The following SMARCB1 variants were observed in gnomAD, a reference collection of about 807,000 sequenced individuals.
The protein encoded by SMARCB1 is SWI/SNF-related matrix-associated actin-dependent regulator of chromatin subfamily B member 1.
SMARCB1 carries 5 observed loss-of-function variants against 49.0 expected under a neutral mutation model. That is an observed-to-expected ratio of 0.10 (90% confidence interval 0.05 to 0.21). SMARCB1 has a LOEUF of 0.21. SMARCB1 is among the 10% of genes least tolerant of loss of function. The pLI, the probability that SMARCB1 is intolerant of heterozygous loss-of-function variation, is 1.00. For missense variants in SMARCB1, 226 were observed against 509.2 expected, an observed-to-expected ratio of 0.44 and a Z score of 5.35; for synonymous variants, 201 against 200.1, an observed-to-expected ratio of 1.00 and a Z score of -0.04.
At chr22:23,795,532 G>A (rs1928687733) in intron 3 of SMARCB1, among the ~76,000 whole-genome samples, 2 of 151,882 alleles carry the variant, frequency 1.3e-5, no homozygotes, top group African/African-American at 4.8e-5. Context: ...GTGCATGCCT[G>A]TAATCCCAGC....
intron 7 of SMARCB1, among the ~76,000 whole-genome samples, chr22:23,828,702 C>T (rs1193116186): frequency 2.0e-5 from 3 of 152,160 alleles, no homozygotes; most frequent in South Asian, 4.1e-4. Context: ...TGGAAGCACT[C>T]GCTGATTCCC....
intron 5 of SMARCB1, chr22:23,814,983 AAAAG>A (rs1568950691): frequency 1.3e-5 from 2 of 152,272 alleles, no homozygotes; most frequent in African/African-American, 4.8e-5. Flanking sequence ...AAAAAAAAAA[AAAAG>A]GCAAAAGACA....
chr22:23,790,242 C>G (rs958821434), intron 1 of SMARCB1, among the ~76,000 whole-genome samples: 3 of 152,110 alleles, frequency 2.0e-5, no homozygotes, highest in Non-Finnish European at 1.5e-5. Flanking sequence ...AATGGAAACT[C>G]TACATTTACC....
chr22:23,787,439 T>C (rs1928081438), intron 1 of SMARCB1, among the ~76,000 whole-genome samples, 177 bp downstream of exon 1: 1 of 151,446 alleles, frequency 6.6e-6, no homozygotes, highest in African/African-American at 2.4e-5. Context: ...CGCCCCCTCA[T>C]CGACCTGGGA....
At chr22:23,810,458 G>A (rs911431792) in intron 5 of SMARCB1, among the ~76,000 whole-genome samples, 1 of 149,714 alleles carries the variant, frequency 6.7e-6, no homozygotes, top group African/African-American at 2.5e-5. Flanking sequence ...AACCTGGGAG[G>A]CGGAGGTTGC....
chr22:23,803,247 C>G (rs200434169), intron 4 of SMARCB1, 48 bp from the exon 5 acceptor site: 1 of 1,613,238 alleles, frequency 6.2e-7, no homozygotes, highest in African/African-American at 1.3e-5. Context: ...ATTTGCATAC[C>G]TAGGGCTCCG....
chr22:23,820,020 G>T (rs2029997478), intron 6 of SMARCB1, among the ~76,000 whole-genome samples: 1 of 151,990 alleles, frequency 6.6e-6, no homozygotes, highest in East Asian at 2.0e-4. Context: ...AGTAGAGACG[G>T]GGTCTCATCA....
chr22:23,800,211 T>C (rs1401536474), intron 3 of SMARCB1, among the ~76,000 whole-genome samples: 2 of 152,268 alleles, frequency 1.3e-5, no homozygotes, highest in African/African-American at 4.8e-5. Flanking sequence ...CCACTGCACC[T>C]GGTGCTTTTG....
In SMARCB1 at chr22:23,833,653, G is replaced by T; in HGVS notation, c.1068G>T (p.Leu356=). 1 of 1,614,218 alleles carries T rather than the reference G, an allele frequency of 6.2e-7. No homozygotes were observed. The highest frequency in any genetic ancestry group is 1.1e-5 in the South Asian group (1 of 91,084). ...AGTGGTGCCCACTGCTGGAGACTCT[G>T]ACAGACGCTGAGATGGAGAAGAAGA... ...ADQWCPLLET[L]TDAEMEKKIR... is the part of the protein sequence containing the mutation. Residue 356 remains leucine (L), a synonymous_variant, in exon 8 of 9, where the codon CTG becomes CTT. Transcript: ENST00000644036.
chr22:23,788,851 C>A (rs1032732995), intron 1 of SMARCB1, among the ~76,000 whole-genome samples: 1 of 151,768 alleles, frequency 6.6e-6, no homozygotes, highest in Non-Finnish European at 1.5e-5. Flanking sequence ...TTAGCATTTT[C>A]CACCATTTTT....
In SMARCB1 at chr22:23,793,253, C is replaced by T. The variant is rs551658549; in HGVS notation, c.233-306C>T. 2.3e-4 allele frequency: 101 copies of T among 445,712 alleles called. 1 individual carries two copies. Among genetic ancestry groups the T allele is most frequent in the South Asian group, 1.3e-3 (61 of 48,644 alleles). 27.6% of individuals were successfully genotyped at this position (445,712 alleles called of 1,614,324 possible). A position where few individuals can be genotyped will look rare whatever the true frequency, so the allele number is the denominator to read the frequency against. Reference sequence around the variant, plus strand: ...AATATGTTCTGGAGTCGAGTGTCCCCGCTGGTCGTGCTGTATTGTAGTTGC... The same window carrying T: ...AATATGTTCTGGAGTCGAGTGTCCCTGCTGGTCGTGCTGTATTGTAGTTGC... On this transcript the variant is annotated intron_variant, in intron 2 of 8. Coordinates refer to ENST00000644036, the MANE Select transcript of SMARCB1 (RefSeq NM_003073.5).
intron 3 of SMARCB1, among the ~76,000 whole-genome samples, chr22:23,793,938 T>C (rs1928579665): frequency 6.6e-6 from 1 of 152,098 alleles, no homozygotes; most frequent in Admixed American, 6.5e-5. Context: ...CCTGCCACTA[T>C]ACCTGGCTAG....
In SMARCB1 at chr22:23,837,675, G is replaced by A; in HGVS notation, c.*3495G>A. On this transcript the variant is annotated 3_prime_UTR_variant, in exon 9 of 9. Coordinates refer to ENST00000644036, the MANE Select transcript of SMARCB1 (RefSeq NM_003073.5). ...GAGGCTCACCCAGCAGGTCCACGAG[G>A]ATGGAGTTGCCCAGCAGCAGCGAGA... 2 of 1,613,526 alleles carry A rather than the reference G, an allele frequency of 1.2e-6. No homozygotes were observed. Among genetic ancestry groups the A allele is most frequent in the South Asian group, 2.2e-5 (2 of 91,058 alleles).
chr22:23,789,093 G>C (rs1928204482), intron 1 of SMARCB1, among the ~76,000 whole-genome samples: 1 of 152,160 alleles, frequency 6.6e-6, no homozygotes, highest in African/African-American at 2.4e-5. Context: ...CAAGTGATCT[G>C]CCCGCCTCGG....
chr22:23,791,445 G>T (rs990588655), intron 1 of SMARCB1, among the ~76,000 whole-genome samples: 6 of 152,210 alleles, frequency 3.9e-5, no homozygotes, highest in Admixed American at 3.3e-4. Context: ...TCTGGAAAGT[G>T]CCAGAGATCC....
chr22:23,788,705 C>T (rs1490994673), intron 1 of SMARCB1, among the ~76,000 whole-genome samples: 2 of 152,182 alleles, frequency 1.3e-5, no homozygotes, highest in Non-Finnish European at 2.9e-5. Flanking sequence ...TGCACTCACA[C>T]TCAGCGCATT....
At chr22:23,815,527 C>G (rs1163812420) in intron 5 of SMARCB1, 1 of 83,644 alleles carries the variant, frequency 1.2e-5, no homozygotes. Flanking sequence ...GAGCGAGACT[C>G]CGTCTCAAAA....
chr22:23,821,079 C>T (rs2030061234), intron 6 of SMARCB1, among the ~76,000 whole-genome samples: 1 of 152,246 alleles, frequency 6.6e-6, no homozygotes, highest in Non-Finnish European at 1.5e-5. Flanking sequence ...AGCTGTAATC[C>T]TCCTGGGGCT....
chr22:23,795,501 C>T (rs947410370), intron 3 of SMARCB1, among the ~76,000 whole-genome samples: 1 of 151,780 alleles, frequency 6.6e-6, no homozygotes, highest in Non-Finnish European at 1.5e-5. Flanking sequence ...GCTAAACGTA[C>T]AAAGTTAGCC....
Sources: allele counts gnomAD v4.1 joint callset (sites outside exome capture counted in the v4.1 genomes callset), GRCh38; gene constraint gnomAD v4.1.1; transcripts MANE v1.5; gene names NCBI Gene and HGNC (gene_info 2026-07-23, HGNC 2026-07-21).